Variants in CCDC178 observed in about 807,000 individuals in gnomAD.
CCDC178 encodes coiled-coil domain-containing protein 178.
Under a neutral mutation model 117.4 loss-of-function variants are expected in CCDC178, and 126 were observed. That is an observed-to-expected ratio of 1.07 (90% confidence interval 0.93 to 1.24). CCDC178 has a LOEUF of 1.24. CCDC178 is among the 50% of genes most tolerant of loss of function. CCDC178 has a pLI of 0.00. For missense variants in CCDC178, 1,030 were observed against 986.9 expected (o/e 1.04, Z -0.59); for synonymous variants, 283 against 313.4 (o/e 0.90, Z 1.02).
At chr18:32,997,821 G>A (rs1896439914) in intron 21 of CCDC178, among the ~76,000 whole-genome samples, 1 of 151,484 alleles carries the variant, frequency 6.6e-6, no homozygotes, top group Non-Finnish European at 1.5e-5. Flanking sequence ...TAGTTGTCTT[G>A]TTTCATTAGC....
At chr18:33,022,055 A>G (rs534958735) in intron 21 of CCDC178, among the ~76,000 whole-genome samples, 1 of 152,352 alleles carries the variant, frequency 6.6e-6, no homozygotes, top group Non-Finnish European at 1.5e-5. Flanking sequence ...ACAAAAACAC[A>G]TAAATATTAA....
At chr18:33,245,222 A>G in intron 15 of CCDC178, 23 bp downstream of exon 15, 1 of 1,519,128 alleles carries the variant, frequency 6.6e-7, no homozygotes, top group Non-Finnish European at 8.8e-7. Flanking sequence ...ATCATGAGTA[A>G]GAGGAACACA....
At chr18:33,127,446 G>T (rs553173138) in intron 20 of CCDC178, among the ~76,000 whole-genome samples, 69 of 152,002 alleles carry the variant, frequency 4.5e-4, no homozygotes, top group Middle Eastern at 3.4e-3. Flanking sequence ...TTGTTTGTTT[G>T]TTTTTTTGAG....
At chr18:33,284,974 T>A (rs2060079964) in intron 12 of CCDC178, among the ~76,000 whole-genome samples, 2 of 147,042 alleles carry the variant, frequency 1.4e-5, no homozygotes, top group Admixed American at 6.8e-5. Context: ...AACAGGGAAG[T>A]GAAAAGTAAA....
chr18:33,204,743 A>G (rs1012593736), intron 20 of CCDC178, among the ~76,000 whole-genome samples: 31 of 152,306 alleles, frequency 2.0e-4, no homozygotes, highest in African/African-American at 7.0e-4. Flanking sequence ...GAGAGGTTAT[A>G]GTTAAAAGAA....
At chr18:33,178,553 T>C (rs953092651) in intron 20 of CCDC178, among the ~76,000 whole-genome samples, 1 of 152,118 alleles carries the variant, frequency 6.6e-6, no homozygotes, top group African/African-American at 2.4e-5. Context: ...TCACTTCTCT[T>C]TCCTTTCAGG....
At chr18:33,186,289 T>C (rs545670561) in intron 20 of CCDC178, among the ~76,000 whole-genome samples, 1 of 151,528 alleles carries the variant, frequency 6.6e-6, no homozygotes, top group East Asian at 1.9e-4. Context: ...AGAGTGTGTA[T>C]GTGTGTGTGT....
At chr18:33,375,458 T>C (rs1377686470) in intron 5 of CCDC178, among the ~76,000 whole-genome samples, 1 of 152,078 alleles carries the variant, frequency 6.6e-6, no homozygotes, top group Non-Finnish European at 1.5e-5. Flanking sequence ...CTTCCTAGAC[T>C]CCCATCCTGG....
chr18:32,994,580 T>C (rs1346970968), intron 21 of CCDC178, among the ~76,000 whole-genome samples: 1 of 152,194 alleles, frequency 6.6e-6, no homozygotes, highest in Non-Finnish European at 1.5e-5. Context: ...AAAATAGAAG[T>C]TGACACACAG....
chr18:32,946,090 T>A (rs772175678), intron 22 of CCDC178, among the ~76,000 whole-genome samples: 10 of 152,204 alleles, frequency 6.6e-5, no homozygotes, highest in Non-Finnish European at 1.5e-4. Flanking sequence ...AAAAATCTCG[T>A]GTTTGGGTAC....
intron 20 of CCDC178, among the ~76,000 whole-genome samples, chr18:33,137,462 C>A (rs1290001813): frequency 6.6e-6 from 1 of 152,130 alleles, no homozygotes; most frequent in Non-Finnish European, 1.5e-5. Context: ...TAAATTTCTA[C>A]AACTATTAGT....
At chr18:33,124,466 C>T (rs527621900) in intron 20 of CCDC178, among the ~76,000 whole-genome samples, 2 of 152,174 alleles carry the variant, frequency 1.3e-5, no homozygotes, top group African/African-American at 4.8e-5. Context: ...TAGCTGATAC[C>T]ATACAGTCTT....
In CCDC178 at chr18:33,223,099, T is replaced by A; in HGVS notation, c.1932+7A>T. ...TTCAAAATTAGATTCTGAACTTAAA[T>A]TCTTACCTCAGTTTCTATTAATGCA... On this transcript the variant is annotated splice_region_variant and intron_variant, in intron 18 of 22. Transcript: ENST00000383096. 1 of 1,572,144 alleles carries A rather than the reference T, an allele frequency of 6.4e-7. No homozygotes were observed. The highest frequency in any genetic ancestry group is 8.7e-7 in the Non-Finnish European group (1 of 1,152,786).
intron 14 of CCDC178, among the ~76,000 whole-genome samples, chr18:33,261,795 AATTT>A (rs1406242203): frequency 2.0e-5 from 3 of 152,088 alleles, no homozygotes; most frequent in African/African-American, 7.2e-5. Context: ...TAAGACTTTT[AATTT>A]ATTTGGTTAG....
At chr18:33,045,009 G>C (rs574171081) in intron 21 of CCDC178, among the ~76,000 whole-genome samples, 1 of 152,058 alleles carries the variant, frequency 6.6e-6, no homozygotes, top group African/African-American at 2.4e-5. Context: ...ACAAATGGTC[G>C]GAGGATGCAA....
chr18:33,353,348 C>A (rs2063003928), intron 7 of CCDC178, among the ~76,000 whole-genome samples: 1 of 151,994 alleles, frequency 6.6e-6, no homozygotes, highest in Non-Finnish European at 1.5e-5. Context: ...CTATTCTTAT[C>A]CATTCTACCA....
intron 11 of CCDC178, among the ~76,000 whole-genome samples, chr18:33,317,261 C>T (rs1002029401): frequency 6.6e-6 from 1 of 152,118 alleles, no homozygotes; most frequent in Admixed American, 6.5e-5. Flanking sequence ...CACGAACCCA[C>T]CAGGAGGAAT....
chr18:33,394,656 C>T (rs2063607583), intron 4 of CCDC178, among the ~76,000 whole-genome samples: 1 of 151,118 alleles, frequency 6.6e-6, no homozygotes, highest in African/African-American at 2.4e-5. Context: ...TTTATTTTAC[C>T]TCAGAATTAT....
rs139885727 is a variant in CCDC178, at chr18:33,039,027, T to C, written c.2388+53734A>G. ...TACAATTTACAAAATACAGAAGATA[T>C]GTATAAAGTATTTTAAAAGATTAAG... On this transcript the variant is annotated intron_variant, in intron 21 of 22. Coordinates refer to ENST00000383096, the MANE Select transcript of CCDC178 (RefSeq NM_001105528.4). Among the ~76,000 whole-genome samples the C allele has an allele frequency of 3.3e-5, 5 of 152,054 alleles. No homozygotes were observed. The East Asian group carries it at 9.7e-4, about 29-fold the overall frequency.
Sources: allele counts gnomAD v4.1 joint callset (sites outside exome capture counted in the v4.1 genomes callset), GRCh38; gene constraint gnomAD v4.1.1; transcripts MANE v1.5; gene names NCBI Gene and HGNC (gene_info 2026-07-23, HGNC 2026-07-21).